Variants in UBE2D2 observed in about 807,000 individuals in gnomAD.
UBE2D2 encodes ubiquitin-conjugating enzyme E2 D2.
UBE2D2 carries 2 observed loss-of-function variants against 24.2 expected under a neutral mutation model. The ratio of observed to expected loss-of-function variants is 0.08; its 90% CI spans 0.03 to 0.26. The LOEUF (loss-of-function observed/expected upper bound fraction) is 0.26. Among genes scored for constraint, UBE2D2 ranks in the 10% least tolerant of loss-of-function variants. The pLI, the probability that UBE2D2 is intolerant of heterozygous loss-of-function variation, is 1.00. For synonymous variants in UBE2D2, 58 were observed against 56.5 expected (o/e 1.03, Z -0.12); for missense variants, 44 against 177.6 (o/e 0.25, Z 4.28).
chr5:139,579,221 C>T (rs1037703470), intron 1 of UBE2D2, among the ~76,000 whole-genome samples: 4 of 152,192 alleles, frequency 2.6e-5, no homozygotes, highest in African/African-American at 9.6e-5. Flanking sequence ...GATCTTGGCT[C>T]GCTGCAACCT....
chr5:139,544,206 G>C (rs191471354), intron 1 of UBE2D2, among the ~76,000 whole-genome samples: 5 of 143,798 alleles, frequency 3.5e-5, no homozygotes, highest in Non-Finnish European at 7.5e-5. Flanking sequence ...GTCTTGAGAC[G>C]TTACCCAGGC....
intron 1 of UBE2D2, among the ~76,000 whole-genome samples, chr5:139,539,260 T>C (rs1177433744): frequency 6.6e-6 from 1 of 152,072 alleles, no homozygotes; most frequent in Non-Finnish European, 1.5e-5. Flanking sequence ...CCTGACCTCA[T>C]GATCCACTTG....
At chr5:139,541,096 G>A (rs531454100) in intron 1 of UBE2D2, among the ~76,000 whole-genome samples, 61 of 152,148 alleles carry the variant, frequency 4.0e-4, no homozygotes, top group South Asian at 2.1e-3. Flanking sequence ...TCATGAGTTC[G>A]AGAGCAGCCT....
chr5:139,579,150 T>G (rs940760840), intron 1 of UBE2D2, among the ~76,000 whole-genome samples: 2 of 151,922 alleles, frequency 1.3e-5, no homozygotes, highest in Non-Finnish European at 2.9e-5. Flanking sequence ...GTATTTTAAT[T>G]TTTTAAATTT....
intron 1 of UBE2D2, among the ~76,000 whole-genome samples, chr5:139,548,163 CAA>C (rs749269739): frequency 1.5e-4 from 5 of 32,960 alleles, no homozygotes; most frequent in Admixed American, 8.4e-4. Flanking sequence ...GACTCCGTCT[CAA>C]AAAAAAAAAA....
At chr5:139,558,153 T>C (rs1753005958), upstream of UBE2D2, among the ~76,000 whole-genome samples, 1 of 152,104 alleles carries the variant, frequency 6.6e-6, no homozygotes, top group Non-Finnish European at 1.5e-5. Flanking sequence ...ATTATTTTAA[T>C]AGTAAAAATG....
chr5:139,610,454 T>C (rs1754292014), intron 2 of UBE2D2, among the ~76,000 whole-genome samples: 2 of 151,988 alleles, frequency 1.3e-5, no homozygotes, highest in Admixed American at 1.3e-4. Flanking sequence ...GGCAGGAGAA[T>C]TGCTGAACCC....
chr5:139,587,923 C>T (rs355159), intron 1 of UBE2D2, among the ~76,000 whole-genome samples: 9,600 of 152,018 alleles, frequency 0.063, 352 homozygotes, highest in South Asian at 0.11. Context: ...TCTGATTGGT[C>T]GGGTATTAGC....
intron 1 of UBE2D2, among the ~76,000 whole-genome samples, chr5:139,573,696 G>A (rs951593722): frequency 8.6e-5 from 13 of 152,046 alleles, no homozygotes; most frequent in African/African-American, 1.2e-4. Context: ...TCGGCCGGGC[G>A]CAGTGGCTCA....
At chr5:139,530,768 G>T (rs1388080044) in intron 1 of UBE2D2, among the ~76,000 whole-genome samples, 2 of 152,246 alleles carry the variant, frequency 1.3e-5, no homozygotes, top group African/African-American at 2.4e-5. Context: ...TAACAAAACT[G>T]GCACATGTAC....
intron 1 of UBE2D2, among the ~76,000 whole-genome samples, chr5:139,542,524 T>C (rs1365184363): frequency 6.6e-6 from 1 of 152,128 alleles, no homozygotes; most frequent in Non-Finnish European, 1.5e-5. Flanking sequence ...TTTTGCCGTG[T>C]TGGCTAGGCT....
rs112102270 is a variant in UBE2D2 at position 139,570,501 on chromosome 5, C to T, written c.24+8686C>T. 2.6e-3 allele frequency among the ~76,000 whole-genome samples: 398 copies of T among 151,982 alleles called. 2 individuals are homozygous for T. Among genetic ancestry groups the T allele is most frequent in the African/African-American group, 9.2e-3 (383 of 41,458 alleles). On this transcript the variant is annotated intron_variant, in intron 1 of 6. Transcript: ENST00000398733. ...GACCACAGGTGCATGCCACCACGCCCGGCTAATTTTTGTTTTTTGTTTTTA... is the reference window on the plus strand; with the variant it reads ...GACCACAGGTGCATGCCACCACGCCTGGCTAATTTTTGTTTTTTGTTTTTA...
rs1288640538 is a variant in UBE2D2, at chr5:139,577,778, C to CA, written c.24+15964dup. ...CCACCTATATTAAGTAGCACAGAAA[C>CA]ACACCAAGTTAATGATACTAGCATT... On this transcript the variant is annotated intron_variant, in intron 1 of 6. Transcript: ENST00000398733. 1.2e-4 allele frequency among the ~76,000 whole-genome samples: 18 copies of CA among 152,268 alleles called. No individual in the cohort carries two copies. The East Asian group carries it at 3.5e-3, about 29-fold the overall frequency.
At chr5:139,604,367 A>T (rs1365555192) in intron 2 of UBE2D2, among the ~76,000 whole-genome samples, 1 of 151,860 alleles carries the variant, frequency 6.6e-6, no homozygotes, top group East Asian at 1.9e-4. Flanking sequence ...TGAACTCCTG[A>T]CCTCAAGTGA....
At chr5:139,544,711 GC>G (rs1752802518) in intron 1 of UBE2D2, among the ~76,000 whole-genome samples, 1 of 151,958 alleles carries the variant, frequency 6.6e-6, no homozygotes. Flanking sequence ...TAAGTGTGCA[GC>G]TCCTTTAATT....
intron 1 of UBE2D2, among the ~76,000 whole-genome samples, chr5:139,569,777 G>T (rs261532): frequency 0.45 from 68,339 of 152,034 alleles, 20,305 homozygotes; most frequent in African/African-American, 0.85. Context: ...CTGGATTTCT[G>T]GACTGTCCAG....
chr5:139,552,045 C>T (rs1752926227), intron 1 of UBE2D2, among the ~76,000 whole-genome samples: 1 of 152,130 alleles, frequency 6.6e-6, no homozygotes, highest in African/African-American at 2.4e-5. Flanking sequence ...AAGTATAATT[C>T]CTTGGATAAA....
At chr5:139,586,401 A>G (rs546971633) in intron 1 of UBE2D2, among the ~76,000 whole-genome samples, 2 of 152,120 alleles carry the variant, frequency 1.3e-5, no homozygotes, top group Non-Finnish European at 2.9e-5. Context: ...CCTGATTCTA[A>G]CTAACACCCT....
intron 1 of UBE2D2, among the ~76,000 whole-genome samples, chr5:139,580,547 C>T (rs1256808859): frequency 4.6e-5 from 7 of 152,130 alleles, no homozygotes; most frequent in African/African-American, 9.7e-5. Flanking sequence ...CTGCAACCTC[C>T]GCCTCCCGGG....
Sources: gnomAD v4.1 joint callset for allele counts (sites outside exome capture counted in the v4.1 genomes callset) on GRCh38, gnomAD v4.1.1 for gene constraint, MANE v1.5 for transcripts, NCBI Gene and HGNC (gene_info 2026-07-23, HGNC 2026-07-21) for gene names.